GPR141: variants seen among roughly 807,000 people sequenced by gnomAD.
The protein encoded by GPR141 is probable G protein-coupled receptor 141.
A neutral mutation model predicts 6.8 loss-of-function variants in GPR141; 6 were observed. That is an observed-to-expected ratio of 0.88 (90% CI 0.48 to 1.74). GPR141 has a LOEUF of 1.74. GPR141 is among the 40% of genes most tolerant of loss of function. The pLI, the probability that GPR141 is intolerant of heterozygous loss-of-function variation, is 0.01. For synonymous variants in GPR141, 140 were observed against 142.3 expected, an observed-to-expected ratio of 0.98 and a Z score of 0.11; for missense variants, 372 against 372.9, an observed-to-expected ratio of 1.00 and a Z score of 0.02.
Position 37,720,725 on chromosome 7 carries a change from C to A in GPR141, c.-14-19655C>A, listed in dbSNP as rs1811282616. Reference sequence around the variant, plus strand: ...CACTGCACTCCAGGCTGGGCAAAAGCCAGACTCCGTCTCAAAAAAAAAAAA... The same window carrying A: ...CACTGCACTCCAGGCTGGGCAAAAGACAGACTCCGTCTCAAAAAAAAAAAA... On this transcript the variant is annotated intron_variant, in intron 2 of 2. Coordinates refer to ENST00000334425, the MANE Select transcript of GPR141 (RefSeq NM_001381946.1). 2.0e-5 allele frequency among the ~76,000 whole-genome samples: 3 copies of A among 148,418 alleles called. No individual in the cohort carries two copies. In the South Asian group the frequency reaches 6.4e-4, roughly 32 times the overall value.
In GPR141 at chr7:37,728,604, T is replaced by G. The variant is rs146995388; in HGVS notation, c.-14-11776T>G. On this transcript the variant is annotated intron_variant, in intron 2 of 2. Transcript: ENST00000334425. ...CCACTTCCATATCTCACTTTTGACA[T>G]TGATGTAGTCCTCAGGCCATGGACA... Among the ~76,000 whole-genome samples the G allele has an allele frequency of 4.9e-3, 739 of 152,204 alleles. 12 individuals are homozygous for G. The highest frequency in any genetic ancestry group is 0.017 in the African/African-American group (711 of 41,506).
chr7:37,684,740 G>C (rs146858415), intron 1 of GPR141, among the ~76,000 whole-genome samples: 140 of 152,210 alleles, frequency 9.2e-4, no homozygotes, highest in Middle Eastern at 3.4e-3. Context: ...GGACTTCAGC[G>C]TTCTACATAA....
At chr7:37,718,378 G>A (rs1811144654) in intron 2 of GPR141, among the ~76,000 whole-genome samples, 1 of 152,042 alleles carries the variant, frequency 6.6e-6, no homozygotes, top group Non-Finnish European at 1.5e-5. Context: ...ATGGTGGCGT[G>A]TGCCTGTAAT....
chr7:37,724,302 T>G (rs1271464022), intron 2 of GPR141, among the ~76,000 whole-genome samples: 1 of 152,114 alleles, frequency 6.6e-6, no homozygotes, highest in Non-Finnish European at 1.5e-5. Flanking sequence ...TATACATTTT[T>G]TTTTGCTATT....
At chr7:37,703,982 A>G (rs773869767) in intron 2 of GPR141, among the ~76,000 whole-genome samples, 2 of 152,120 alleles carry the variant, frequency 1.3e-5, no homozygotes, top group African/African-American at 2.4e-5. Flanking sequence ...TATTTTATAT[A>G]TGTACGTTTG....
intron 2 of GPR141, among the ~76,000 whole-genome samples, chr7:37,687,583 G>A (rs1809567084): frequency 6.6e-6 from 1 of 152,096 alleles, no homozygotes; most frequent in African/African-American, 2.4e-5. Flanking sequence ...ATTGAGATAA[G>A]TCCCAAATAT....
At chr7:37,689,583 G>T (rs1057458852) in intron 2 of GPR141, among the ~76,000 whole-genome samples, 3 of 152,012 alleles carry the variant, frequency 2.0e-5, no homozygotes, top group Admixed American at 6.6e-5. Flanking sequence ...TTAATAATTG[G>T]TCTATTCAGA....
At position 37,743,054 on chromosome 7, in the gene GPR141, G is replaced by T. The variant is rs977838589; in HGVS notation, c.*1743G>T. On this transcript the variant is annotated 3_prime_UTR_variant, in exon 3 of 3. Coordinates refer to ENST00000334425, the MANE Select transcript of GPR141 (RefSeq NM_001381946.1). ...TTTTTTGCTCCTGCCCATACTTCCA[G>T]TGTCTTCAGTGTTTTATCTTAAAAT... Among the ~76,000 whole-genome samples the T allele has an allele frequency of 2.0e-5, 3 of 151,986 alleles. No individual in the cohort carries two copies. Among genetic ancestry groups the T allele is most frequent in the African/African-American group, 7.2e-5 (3 of 41,386 alleles).
At chr7:37,719,557 A>C (rs905827565) in intron 2 of GPR141, among the ~76,000 whole-genome samples, 3 of 152,208 alleles carry the variant, frequency 2.0e-5, no homozygotes, top group African/African-American at 7.2e-5. Context: ...CTAGCAACTT[A>C]GTTCCTTTCC....
intron 2 of GPR141, among the ~76,000 whole-genome samples, chr7:37,687,604 C>T (rs558258481): frequency 5.3e-4 from 80 of 152,190 alleles, no homozygotes; most frequent in Non-Finnish European, 4.0e-4. Context: ...AATCCAAAGA[C>T]CACATGCTTC....
chr7:37,741,239 C>T lies in GPR141; in HGVS notation c.846C>T (p.Leu282=). 1.2e-6 allele frequency: 2 copies of T among 1,612,244 alleles called. No individual in the cohort carries two copies. Among genetic ancestry groups the T allele is most frequent in the Non-Finnish European group, 1.7e-6 (2 of 1,178,526 alleles). The part of the protein sequence containing the change: ...VTAISCYDLL[L]FVFGGSHWFK... ...CAATTAGCTGCTATGATTTGCTTCTCTTTGTCTTTGGGGGAAGCCATTGGT... is the reference window on the plus strand; with the variant it reads ...CAATTAGCTGCTATGATTTGCTTCTTTTTGTCTTTGGGGGAAGCCATTGGT... Residue 282 remains leucine, a synonymous_variant, in exon 3 of 3, where the codon CTC becomes CTT. Transcript: ENST00000334425.
chr7:37,689,195 T>C (rs2131726356), intron 2 of GPR141, among the ~76,000 whole-genome samples: 1 of 152,288 alleles, frequency 6.6e-6, no homozygotes, highest in East Asian at 1.9e-4. Context: ...GTCAGATTTG[T>C]CGATTTGCAT....
At chr7:37,720,701 A>G in intron 2 of GPR141, among the ~76,000 whole-genome samples, 1 of 150,250 alleles carries the variant, frequency 6.7e-6, no homozygotes, top group Non-Finnish European at 1.5e-5. Flanking sequence ...AGATTGCGCC[A>G]CTGCACTCCA....
chr7:37,727,244 ATTAT>A (rs901588189), intron 2 of GPR141, among the ~76,000 whole-genome samples: 2 of 152,202 alleles, frequency 1.3e-5, no homozygotes, highest in Non-Finnish European at 2.9e-5. Context: ...ATGTCCTTTA[ATTAT>A]TTATCTGAGC....
chr7:37,711,033 T>C (rs1243576228), intron 2 of GPR141, among the ~76,000 whole-genome samples: 1 of 152,210 alleles, frequency 6.6e-6, no homozygotes, highest in Non-Finnish European at 1.5e-5. Context: ...GTGGAGAGAC[T>C]GATGTTACTT....
chr7:37,698,719 T>G (rs1810139427), intron 2 of GPR141, among the ~76,000 whole-genome samples: 1 of 152,226 alleles, frequency 6.6e-6, no homozygotes, highest in African/African-American at 2.4e-5. Flanking sequence ...AATTTTGCAA[T>G]AGACTTGTTT....
intron 2 of GPR141, among the ~76,000 whole-genome samples, chr7:37,691,903 C>T (rs75036819): frequency 0.03 from 4,580 of 152,154 alleles, 239 homozygotes; most frequent in African/African-American, 0.1. Context: ...ACGGGGATTC[C>T]TTTAGAGTGA....
In GPR141 at chr7:37,683,912, A is replaced by C. The variant is rs1403909629; in HGVS notation, c.-139+9A>C. Reference sequence around the variant, plus strand: ...AAATCTGGATTTTCAAGGTAAGTGCAGATGACTTAGGTTTGGGGAGACATG... The same window carrying C: ...AAATCTGGATTTTCAAGGTAAGTGCCGATGACTTAGGTTTGGGGAGACATG... On this transcript the variant is annotated intron_variant, in intron 1 of 2. Coordinates refer to ENST00000334425, the MANE Select transcript of GPR141 (RefSeq NM_001381946.1). 6.6e-6 allele frequency: 1 copy of C among 152,220 alleles called. No individual in the cohort carries two copies. The highest frequency in any genetic ancestry group is 1.5e-5 in the Non-Finnish European group (1 of 68,042). The allele number at this position is 152,220 out of a possible 1,614,324, so 9.4% of individuals were successfully genotyped here.
rs2597277 is a variant in GPR141, at chr7:37,683,810, A to C, written c.-232A>C. 0.7 allele frequency: 107,060 copies of C among 152,086 alleles called. 37,864 individuals are homozygous for C. The highest frequency in any genetic ancestry group is 0.81 in the East Asian group (4,199 of 5,182). The allele number at this position is 152,086 out of a possible 1,614,324, so 9.4% of individuals were successfully genotyped here. A position where few individuals can be genotyped will look rare whatever the true frequency, so the allele number is the denominator to read the frequency against. On this transcript the variant is annotated 5_prime_UTR_variant, in exon 1 of 3. Coordinates refer to ENST00000334425, the MANE Select transcript of GPR141 (RefSeq NM_001381946.1). Reference sequence around the variant, plus strand: ...CAAATGCATGCAGAGCATGGAAATGACCCAGCTGCCCTGCTGTTGAAACAG... The same window carrying C: ...CAAATGCATGCAGAGCATGGAAATGCCCCAGCTGCCCTGCTGTTGAAACAG...
Sources: allele counts gnomAD v4.1 joint callset (sites outside exome capture counted in the v4.1 genomes callset), GRCh38; gene constraint gnomAD v4.1.1; transcripts MANE v1.5; gene names NCBI Gene and HGNC (gene_info 2026-07-23, HGNC 2026-07-21).